SLC12A7: variants seen among roughly 807,000 people sequenced by gnomAD.
The protein encoded by SLC12A7 is solute carrier family 12 member 7.
Under a neutral mutation model 120.6 loss-of-function variants are expected in SLC12A7, and 100 were observed. The observed-to-expected ratio is 0.83, with a 90% confidence interval of 0.71 to 0.98. The LOEUF (loss-of-function observed/expected upper bound fraction) is 0.98, where lower values mean the gene tolerates loss of function less well. SLC12A7 is among the 50% of genes least tolerant of loss of function. SLC12A7 has a pLI of 0.00. For synonymous variants in SLC12A7, 760 were observed against 678.0 expected (o/e 1.12, Z -1.88); for missense variants, 1,373 against 1,548.1 (o/e 0.89, Z 1.90).
At chr5:1,152,590 T>TAGAGAGGGAGA in the SLC12A7 span, among the ~76,000 whole-genome samples, 1 of 143,598 alleles carries the variant, frequency 7.0e-6, no homozygotes, top group African/African-American at 2.6e-5. Context: ...GAGAAGGGAG[T>TAGAGAGGGAGA]CCCCCAAGCT....
At chr5:1,081,869 G>T in intron 8 of SLC12A7, 125 bp from the exon 9 acceptor site, 1 of 1,096,028 alleles carries the variant, frequency 9.1e-7, no homozygotes, top group Non-Finnish European at 1.3e-6. Context: ...CTTGTGCGCC[G>T]CAAGCAGGCT....
chr5:1,066,822 G>A (rs1737104356), intron 17 of SLC12A7, among the ~76,000 whole-genome samples: 1 of 152,166 alleles, frequency 6.6e-6, no homozygotes, highest in Non-Finnish European at 1.5e-5. Context: ...AGACTCTGGA[G>A]GCAGCGTGGC....
intron 17 of SLC12A7, among the ~76,000 whole-genome samples, chr5:1,067,099 C>T (rs1279949696): frequency 6.6e-6 from 1 of 152,212 alleles, no homozygotes; most frequent in Non-Finnish European, 1.5e-5. Flanking sequence ...GGCCCCACTC[C>T]TCCTCAGGCA....
In SLC12A7 at chr5:1,075,462, A is replaced by ACAGGCT. The variant is rs1561059823; in HGVS notation, c.1870_1875dup (p.Ser624_Leu625dup). ...GAGCAGATGAACATCAGCGCCAGGCACAGGCTCATACCCAGAAAGGACAGG... is the reference window on the plus strand; with the variant it reads ...GAGCAGATGAACATCAGCGCCAGGCACAGGCTCAGGCTCATACCCAGAAAGGACAGG... On this transcript the variant is annotated inframe_insertion, in exon 15 of 24. Coordinates refer to ENST00000264930, the MANE Select transcript of SLC12A7 (RefSeq NM_006598.3). The ACAGGCT allele has an allele frequency of 6.2e-7, 1 of 1,612,234 alleles. No homozygotes were observed. The highest frequency in any genetic ancestry group is 1.1e-5 in the South Asian group (1 of 91,084).
intron 11 of SLC12A7, among the ~76,000 whole-genome samples, chr5:1,078,349 G>A (rs1040591130): frequency 9.9e-5 from 15 of 152,108 alleles, no homozygotes; most frequent in Non-Finnish European, 1.9e-4. Context: ...GAGGATGCAG[G>A]GTCAGTGATG....
rs919381179 is a variant in SLC12A7, at chr5:1,078,879, G to A, written c.1397-121C>T. ...CTGGCCAGCGGGCCGCAGGATCCAGGTGGGCGGGGACCGTTCTGCATCCCA... is the reference window on the plus strand; with the variant it reads ...CTGGCCAGCGGGCCGCAGGATCCAGATGGGCGGGGACCGTTCTGCATCCCA... On this transcript the variant is annotated intron_variant, in intron 10 of 23. Transcript: ENST00000264930. The A allele has an allele frequency of 1.2e-5, 9 of 744,718 alleles. No homozygotes were observed. The East Asian group carries it at 2.2e-4, about 18-fold the overall frequency. 46.1% of individuals were successfully genotyped at this position (744,718 alleles called of 1,614,324 possible).
At chr5:1,066,554 C>G (rs1220466001) in intron 17 of SLC12A7, among the ~76,000 whole-genome samples, 1 of 152,186 alleles carries the variant, frequency 6.6e-6, no homozygotes, top group Non-Finnish European at 1.5e-5. Flanking sequence ...TACCCGCATC[C>G]CAGCCCCAGG....
rs1021204388 is a variant in SLC12A7, at chr5:1,112,026, G to A, written c.-35C>T. ...CAGCCGACAGTCCCCGTCCCGGCCC[G>A]GCCCGCGCTGCGCCGCTCCCGCCGA... is the stretch of plus-strand genomic sequence containing the variant. On this transcript the variant is annotated 5_prime_UTR_variant, in exon 1 of 24. Transcript: ENST00000264930. The A allele has an allele frequency of 4.0e-6, 5 of 1,238,794 alleles. No individual in the cohort carries two copies. Among genetic ancestry groups the A allele is most frequent in the Non-Finnish European group, 4.0e-6 (4 of 989,922 alleles). The allele number at this position is 1,238,794 out of a possible 1,614,324, so 76.7% of individuals were successfully genotyped here. A position where few individuals can be genotyped will look rare whatever the true frequency, so the allele number is the denominator to read the frequency against.
At chr5:1,115,509 G>T (rs1189461670), upstream of SLC12A7, among the ~76,000 whole-genome samples, 1 of 152,206 alleles carries the variant, frequency 6.6e-6, no homozygotes, top group Non-Finnish European at 1.5e-5. Context: ...TTCCTGTTAG[G>T]GTGGGGGGCT....
intron 11 of SLC12A7, chr5:1,078,440 C>T: frequency 1.7e-6 from 1 of 586,214 alleles, no homozygotes; most frequent in Non-Finnish European, 3.0e-6. Context: ...CCGTCCACAC[C>T]CCTGTGGCCT....
At chr5:1,106,451 CAAAAAAAAAAAAAAA>C (rs36005053) in intron 1 of SLC12A7, among the ~76,000 whole-genome samples, 2 of 81,840 alleles carry the variant, frequency 2.4e-5, no homozygotes, top group Non-Finnish European at 4.6e-5. Context: ...AACTCTGTCT[CAAAAAAAAAAAAAAA>C]AAAAAAAAGA....
At chr5:1,134,468 T>A in the SLC12A7 span, among the ~76,000 whole-genome samples, 3 of 145,862 alleles carry the variant, frequency 2.1e-5, no homozygotes, top group Non-Finnish European at 4.4e-5. Flanking sequence ...AAAATTCTGT[T>A]TAAAAAAAAA....
At chr5:1,074,253 C>CCCCCGCCGAGGCCCTGAGGG (rs1738069837) in intron 16 of SLC12A7, among the ~76,000 whole-genome samples, 1 of 152,086 alleles carries the variant, frequency 6.6e-6, no homozygotes, top group Non-Finnish European at 1.5e-5. Context: ...ACACCTGAGG[C>CCCCCGCCGAGGCCCTGAGGG]CCCCGCCGAG....
intron 7 of SLC12A7, among the ~76,000 whole-genome samples, chr5:1,084,503 C>T (rs1579388606): frequency 6.6e-6 from 1 of 152,198 alleles, no homozygotes; most frequent in East Asian, 1.9e-4. Context: ...ACAGGAGTGC[C>T]GCCCCCGACG....
At chr5:1,129,407 C>T in the SLC12A7 span, among the ~76,000 whole-genome samples, 11 of 152,290 alleles carry the variant, frequency 7.2e-5, no homozygotes, top group East Asian at 3.9e-4. Flanking sequence ...AGGAGTGTCC[C>T]GAGCATCCCA....
intron 15 of SLC12A7, among the ~76,000 whole-genome samples, chr5:1,075,147 G>A (rs1738184330): frequency 6.6e-6 from 1 of 152,212 alleles, no homozygotes; most frequent in African/African-American, 2.4e-5. Flanking sequence ...GCTCCAGGCT[G>A]GAGACCCTGT....
the SLC12A7 span, among the ~76,000 whole-genome samples, chr5:1,131,563 C>T: frequency 1.4e-4 from 22 of 152,226 alleles, no homozygotes; most frequent in Admixed American, 6.5e-5. Flanking sequence ...CCTGCCAGGA[C>T]CACCTCTCCT....
In SLC12A7 at chr5:1,077,821, T is replaced by C. The variant is rs1056026922; in HGVS notation, c.1629+12A>G. 4 of 1,568,962 alleles carry C rather than the reference T, an allele frequency of 2.5e-6. No homozygotes were observed. The highest frequency in any genetic ancestry group is 3.5e-6 in the Non-Finnish European group (4 of 1,158,160). ...CCTTCCAGGGTCCCCCCGACGAGGG[T>C]GCGGGACTCACCTGCAGGAAGGGGA... On this transcript the variant is annotated intron_variant, in intron 12 of 23. Transcript: ENST00000264930.
chr5:1,130,775 C>A, the SLC12A7 span, among the ~76,000 whole-genome samples: 1 of 151,906 alleles, frequency 6.6e-6, no homozygotes, highest in Non-Finnish European at 1.5e-5. Flanking sequence ...CGCAGGTGGG[C>A]GGGTGGTGGG....
Sources: allele counts gnomAD v4.1 joint callset (sites outside exome capture counted in the v4.1 genomes callset), GRCh38; gene constraint gnomAD v4.1.1; transcripts MANE v1.5; gene names NCBI Gene and HGNC (gene_info 2026-07-23, HGNC 2026-07-21).